ABCD2: variants seen among roughly 807,000 people sequenced by gnomAD.
ABCD2 encodes ATP-binding cassette sub-family D member 2.
ABCD2 carries 36 observed loss-of-function variants against 70.9 expected under a neutral mutation model. That is an observed-to-expected ratio of 0.51 (90% CI 0.39 to 0.67). The LOEUF is 0.67. Among genes scored for constraint, ABCD2 ranks in the 30% least tolerant of loss-of-function variants. ABCD2 has a pLI of 0.00. For missense variants in ABCD2, 729 were observed against 890.2 expected (o/e 0.82, Z 2.30); for synonymous variants, 304 against 306.9 (o/e 0.99, Z 0.10).
intron 6 of ABCD2, among the ~76,000 whole-genome samples, chr12:39,598,740 T>C (rs547051948): frequency 6.6e-6 from 1 of 152,298 alleles, no homozygotes; most frequent in Admixed American, 6.5e-5. Flanking sequence ...GGCAGTTACC[T>C]ACCAACAAAT....
intron 6 of ABCD2, among the ~76,000 whole-genome samples, chr12:39,595,676 A>C (rs1049067049): frequency 1.3e-5 from 2 of 152,346 alleles, no homozygotes; most frequent in Middle Eastern, 3.4e-3. Context: ...TGAATGAAGT[A>C]GTAGTTACTA....
chr12:39,537,517 C>T, the ABCD2 span, among the ~76,000 whole-genome samples: 1 of 152,136 alleles, frequency 6.6e-6, no homozygotes, highest in Non-Finnish European at 1.5e-5. Context: ...TTGAATATGT[C>T]ACCTTTTTAC....
intron 6 of ABCD2, among the ~76,000 whole-genome samples, chr12:39,588,562 G>A (rs1238820831): frequency 6.6e-6 from 1 of 152,174 alleles, no homozygotes; most frequent in African/African-American, 2.4e-5. Flanking sequence ...AGAGCCTTCA[G>A]AGGGCGTGGA....
the ABCD2 span, among the ~76,000 whole-genome samples, chr12:39,532,642 G>A: frequency 1.9e-3 from 285 of 152,226 alleles, 2 homozygotes; most frequent in Admixed American, 0.018. Context: ...GCTGTCTATC[G>A]CAGTCTTGAT....
chr12:39,577,882 G>T (rs1941540668), intron 8 of ABCD2, among the ~76,000 whole-genome samples: 1 of 152,084 alleles, frequency 6.6e-6, no homozygotes, highest in African/African-American at 2.4e-5. Flanking sequence ...AGTGTAATGA[G>T]AATATGGGGT....
chr12:39,568,771 G>A (rs974494501), intron 9 of ABCD2, among the ~76,000 whole-genome samples: 1 of 151,964 alleles, frequency 6.6e-6, no homozygotes, highest in Non-Finnish European at 1.5e-5. Flanking sequence ...TCTATCTTTG[G>A]TCTTTGATGA....
chr12:39,592,619 G>A (rs551535541), intron 6 of ABCD2, among the ~76,000 whole-genome samples: 69 of 152,284 alleles, frequency 4.5e-4, no homozygotes, highest in South Asian at 1.0e-3. Context: ...GAGGGCAGCA[G>A]GACAATAGAT....
chr12:39,579,679 T>C, intron 7 of ABCD2, 60 bp from the exon 8 acceptor site: 1 of 1,320,186 alleles, frequency 7.6e-7, no homozygotes, highest in Non-Finnish European at 1.1e-6. Flanking sequence ...TTACTATTTC[T>C]ACCCTAGACA....
At chr12:39,576,985 ATATAAAT>A (rs1941527077) in intron 8 of ABCD2, among the ~76,000 whole-genome samples, 1 of 152,138 alleles carries the variant, frequency 6.6e-6, no homozygotes, top group African/African-American at 2.4e-5. Flanking sequence ...AATAAAAAGG[ATATAAAT>A]TATAATATGC....
At chr12:39,586,329 T>C in intron 6 of ABCD2, 32 bp from the exon 7 acceptor site, 2 of 1,594,112 alleles carry the variant, frequency 1.3e-6, no homozygotes, top group Non-Finnish European at 1.7e-6. Context: ...AGAATCCTAG[T>C]GGAAAGTCAT....
intron 9 of ABCD2, among the ~76,000 whole-genome samples, chr12:39,567,960 C>G (rs1334334888): frequency 1.3e-5 from 2 of 151,950 alleles, no homozygotes; most frequent in Admixed American, 6.5e-5. Context: ...GGCCCCCACT[C>G]TCTTCTGGCT....
At chr12:39,573,585 C>G (rs566221668) in intron 9 of ABCD2, 131 bp downstream of exon 9, 3 of 920,928 alleles carry the variant, frequency 3.3e-6, no homozygotes, top group Non-Finnish European at 4.6e-6. Context: ...TACTAATGTG[C>G]AACTTAAGAG....
At chr12:39,567,539 G>A (rs1437784088) in intron 9 of ABCD2, among the ~76,000 whole-genome samples, 1 of 152,132 alleles carries the variant, frequency 6.6e-6, no homozygotes, top group Non-Finnish European at 1.5e-5. Context: ...AACATGAGAT[G>A]GGTCTGGGGA....
downstream of ABCD2, among the ~76,000 whole-genome samples, chr12:39,546,230 T>C (rs1216958781): frequency 6.6e-6 from 1 of 152,178 alleles, no homozygotes; most frequent in African/African-American, 2.4e-5. Context: ...CTTTTTAATA[T>C]TCTTCTCCTA....
At chr12:39,554,603 T>A (rs1941134181) in intron 9 of ABCD2, among the ~76,000 whole-genome samples, 1 of 152,206 alleles carries the variant, frequency 6.6e-6, no homozygotes, top group Admixed American at 6.5e-5. Flanking sequence ...TTCTCAATAA[T>A]AAATATAGTT....
intron 2 of ABCD2, among the ~76,000 whole-genome samples, chr12:39,608,468 C>T (rs1457488643): frequency 6.6e-6 from 1 of 152,126 alleles, no homozygotes; most frequent in Non-Finnish European, 1.5e-5. Flanking sequence ...AGGCAGATCA[C>T]TTGAGACCAG....
In ABCD2 at chr12:39,619,354, G is replaced by C; in HGVS notation, c.262C>G (p.Leu88Val). The change falls in exon 1 of 10, where the codon CTA becomes GTA. Residue 88 changes from leucine (L) to valine (V), a missense_variant. This residue lies in a region of ABCD2 where 245 missense variants were observed against 261.2 expected (regional missense o/e 0.94). Coordinates refer to ENST00000308666, the MANE Select transcript of ABCD2 (RefSeq NM_005164.4). The stretch of plus-strand genomic sequence containing the variant: ...AACAAAATTTTCCGAAGTTCTAGTA[G>C]CTGTTTGAAGAAATCTGCATTCACT... ...PGVNADFFKQLLELRKILFPK... is the reference protein window; with the variant it reads ...PGVNADFFKQVLELRKILFPK... 6.2e-7 allele frequency: 1 copy of C among 1,614,076 alleles called. No homozygotes were observed. Among genetic ancestry groups the C allele is most frequent in the South Asian group, 1.1e-5 (1 of 91,070 alleles).
intron 2 of ABCD2, among the ~76,000 whole-genome samples, chr12:39,608,743 G>A (rs1204901996): frequency 1.3e-5 from 2 of 151,702 alleles, no homozygotes; most frequent in Non-Finnish European, 2.9e-5. Context: ...AATACCTACT[G>A]GGCAATAAAA....
chr12:39,562,541 G>C (rs117699276), intron 9 of ABCD2, among the ~76,000 whole-genome samples: 4 of 151,988 alleles, frequency 2.6e-5, no homozygotes, highest in Non-Finnish European at 5.9e-5. Context: ...AGAATGATGA[G>C]ACTGTTGTAA....
Sources: allele counts gnomAD v4.1 joint callset (sites outside exome capture counted in the v4.1 genomes callset), GRCh38; gene constraint gnomAD v4.1.1; regional missense constraint gnomAD v4.1.1; transcripts MANE v1.5; gene names NCBI Gene and HGNC (gene_info 2026-07-23, HGNC 2026-07-21).